CASK: variants seen among roughly 807,000 people sequenced by gnomAD.
CASK encodes the protein calcium/calmodulin dependent serine protein kinase.
A neutral mutation model predicts 82.9 loss-of-function variants in CASK; 4 were observed. The ratio of observed to expected loss-of-function variants is 0.05; its 90% CI spans 0.02 to 0.11. CASK has a LOEUF of 0.11. Ranked by LOEUF, CASK falls within the 10% of genes least tolerant of loss-of-function variation. The pLI is 1.00. For synonymous variants in CASK, 259 were observed against 253.5 expected, an observed-to-expected ratio of 1.02 and a Z score of -0.20; for missense variants, 358 against 720.9, an observed-to-expected ratio of 0.50 and a Z score of 5.76.
chrX:41,528,889 A>G (rs1302256698), intron 25 of CASK, among the ~76,000 whole-genome samples: 1 of 112,183 alleles, frequency 8.9e-6, no homozygotes, highest in East Asian at 2.8e-4. Flanking sequence ...CCGAGAGTGA[A>G]GCCCAGTCGG....
rs182653355 is a variant in CASK, at chrX:41,516,731, C to G, written c.*3689G>C. 6.7e-4 allele frequency: 75 copies of G among 111,273 alleles called. No homozygotes were observed. The highest frequency in any genetic ancestry group is 2.1e-3 in the African/African-American group (63 of 30,627). 9.2% of individuals were successfully genotyped at this position (111,273 alleles called of 1,213,427 possible). On this transcript the variant is annotated 3_prime_UTR_variant, in exon 27 of 27. Transcript: ENST00000378163. ...GAGCTTGGTTTTGGAATGCCGATTC[C>G]AAGGTGCCTTCTCTTTTCAAAGAGA... is the stretch of plus-strand genomic sequence containing the variant.
intron 19 of CASK, among the ~76,000 whole-genome samples, chrX:41,556,746 A>G (rs1602257171): frequency 8.9e-6 from 1 of 112,740 alleles, no homozygotes; most frequent in East Asian, 2.8e-4. Context: ...TCCTTTGCAT[A>G]GGTTTGAGCA....
rs1209171058 is a variant in CASK at position 41,554,439 on chromosome X, ATAAAGT to A, written c.1843-530_1843-525del. Among the ~76,000 whole-genome samples the A allele has an allele frequency of 3.6e-5, 4 of 112,352 alleles. No individual in the cohort carries two copies. The East Asian group carries it at 1.1e-3, about 31-fold the overall frequency. On this transcript the variant is annotated intron_variant, in intron 20 of 26. Coordinates refer to ENST00000378163, the MANE Select transcript of CASK (RefSeq NM_001367721.1). ...CTGGCAGTGTGTCTACACATTGCTG[ATAAAGT>A]TAAGTGTAACTCAAACAATTTTTTA...
At chrX:41,554,057 C>T (rs2065132352) in intron 20 of CASK, 142 bp from the exon 21 acceptor site, 3 of 501,865 alleles carry the variant, frequency 6.0e-6, no homozygotes, top group Non-Finnish European at 7.0e-6. Flanking sequence ...GGAAATACGA[C>T]ACAAAAAACT....
intron 4 of CASK, chrX:41,743,669 G>A (rs1003293164): frequency 3.4e-6 from 1 of 296,085 alleles, no homozygotes; most frequent in African/African-American, 2.7e-5. Flanking sequence ...AGACATTCAA[G>A]TCATGCTGAG....
intron 12 of CASK, among the ~76,000 whole-genome samples, chrX:41,608,764 G>C (rs751177304): frequency 8.9e-6 from 1 of 112,372 alleles, no homozygotes; most frequent in African/African-American, 3.2e-5. Flanking sequence ...TTAAGGAGAA[G>C]ACATTGAATC....
intron 5 of CASK, among the ~76,000 whole-genome samples, chrX:41,674,517 G>C (rs2067239838): frequency 9.0e-6 from 1 of 111,394 alleles, no homozygotes; most frequent in South Asian, 3.8e-4. Flanking sequence ...GTTAGAAAAT[G>C]CCATACGCCA....
chrX:41,612,702 T>G (rs1467297106), intron 11 of CASK, among the ~76,000 whole-genome samples: 19 of 34,225 alleles, frequency 5.6e-4, no homozygotes, highest in Admixed American at 6.7e-4. Flanking sequence ...GGGAGGGAGG[T>G]GGGGGGGTCA....
intron 25 of CASK, among the ~76,000 whole-genome samples, chrX:41,530,407 A>G (rs765322607): frequency 8.9e-6 from 1 of 112,021 alleles, no homozygotes; most frequent in South Asian, 3.7e-4. Context: ...TCCTCTTCCA[A>G]GTCTTTATCT....
At chrX:41,736,679 T>A (rs1044049837) in intron 5 of CASK, among the ~76,000 whole-genome samples, 1 of 112,350 alleles carries the variant, frequency 8.9e-6, no homozygotes, top group Non-Finnish European at 1.9e-5. Context: ...TTGGCATGTT[T>A]CTACGTGCTT....
chrX:41,780,074 T>C (rs1302326860), intron 3 of CASK, among the ~76,000 whole-genome samples: 8 of 111,693 alleles, frequency 7.2e-5, no homozygotes, highest in Non-Finnish European at 1.3e-4. Flanking sequence ...CTCCCCGTGG[T>C]ATATGTAATC....
At chrX:41,766,976 C>T (rs989031219) in intron 3 of CASK, among the ~76,000 whole-genome samples, 2 of 111,997 alleles carry the variant, frequency 1.8e-5, no homozygotes, top group Admixed American at 9.5e-5. Context: ...AACTATAATA[C>T]CAAAATTACT....
intron 5 of CASK, among the ~76,000 whole-genome samples, chrX:41,686,135 G>A (rs1417504585): frequency 9.0e-6 from 1 of 110,718 alleles, no homozygotes; most frequent in Non-Finnish European, 1.9e-5. Flanking sequence ...TGTCACCCAG[G>A]CTGGAGTGCA....
At chrX:41,645,083 C>G (rs967170888) in intron 8 of CASK, among the ~76,000 whole-genome samples, 12 of 111,037 alleles carry the variant, frequency 1.1e-4, no homozygotes, top group African/African-American at 3.9e-4. Flanking sequence ...TTCGCACACT[C>G]CTTCCTCTTT....
intron 17 of CASK, among the ~76,000 whole-genome samples, chrX:41,561,345 C>G (rs2065225996): frequency 9.0e-6 from 1 of 111,275 alleles, no homozygotes; most frequent in Admixed American, 9.6e-5. Flanking sequence ...TTAAAGCCCA[C>G]ACTGCTAAAG....
chrX:41,665,455 A>G lies in CASK; in HGVS notation c.533-3T>C, dbSNP rs2067101348. The G allele has an allele frequency of 5.1e-6, 6 of 1,183,913 alleles. No homozygotes were observed. The South Asian group carries it at 1.1e-4, about 22-fold the overall frequency. On this transcript the variant is annotated splice_region_variant and splice_polypyrimidine_tract_variant and intron_variant, in intron 6 of 26. Coordinates refer to ENST00000378163, the MANE Select transcript of CASK (RefSeq NM_001367721.1). ...AAAATGAGGTGTTCCAACACGTCCT[A>G]CATTTAAAACAACATTAAGGAAAAA... is the stretch of plus-strand genomic sequence containing the variant.
chrX:41,656,255 T>C (rs1488678102), intron 8 of CASK, among the ~76,000 whole-genome samples: 2 of 111,972 alleles, frequency 1.8e-5, no homozygotes, highest in African/African-American at 6.5e-5. Context: ...AGACAGACAC[T>C]GCCCATGGCT....
chrX:41,708,329 T>C (rs1195113389), intron 5 of CASK, among the ~76,000 whole-genome samples: 1 of 111,411 alleles, frequency 9.0e-6, no homozygotes, highest in African/African-American at 3.3e-5. Flanking sequence ...TTTAAAACTA[T>C]GTCCATCAAT....
intron 3 of CASK, among the ~76,000 whole-genome samples, chrX:41,781,759 C>T (rs376140411): frequency 9.0e-6 from 1 of 111,458 alleles, no homozygotes; most frequent in African/African-American, 3.3e-5. Flanking sequence ...TTAGAGTAAT[C>T]GATATTTTTG....
Sources: allele counts gnomAD v4.1 joint callset (sites outside exome capture counted in the v4.1 genomes callset), GRCh38; gene constraint gnomAD v4.1.1; transcripts MANE v1.5; gene names NCBI Gene and HGNC (gene_info 2026-07-23, HGNC 2026-07-21).